Variants in COL22A1 observed in about 807,000 individuals in gnomAD.
COL22A1 encodes collagen alpha-1(XXII) chain.
COL22A1 carries 221 observed loss-of-function variants against 248.9 expected under a neutral mutation model. The ratio of observed to expected loss-of-function variants is 0.89; its 90% CI spans 0.80 to 0.99. The LOEUF (loss-of-function observed/expected upper bound fraction) is 0.99, where lower values mean the gene tolerates loss of function less well. Among genes scored for constraint, COL22A1 ranks in the 50% least tolerant of loss-of-function variants. The pLI is 0.00. For synonymous variants in COL22A1, 891 were observed against 793.4 expected, an observed-to-expected ratio of 1.12 and a Z score of -2.07; for missense variants, 2,240 against 2,179.0, an observed-to-expected ratio of 1.03 and a Z score of -0.56.
At chr8:138,659,879 T>C (rs1309842085) in intron 44 of COL22A1, among the ~76,000 whole-genome samples, 1 of 152,192 alleles carries the variant, frequency 6.6e-6, no homozygotes, top group Middle Eastern at 3.2e-3. Flanking sequence ...GTTTCTTCCA[T>C]GTTAAACAGA....
At chr8:138,802,980 C>T in intron 10 of COL22A1, 46 bp from the exon 11 acceptor site, 1 of 1,497,334 alleles carries the variant, frequency 6.7e-7, no homozygotes, top group Non-Finnish European at 9.3e-7. Context: ...GGTTTCCCGA[C>T]AGGGCTCTTG....
At chr8:138,652,052 T>G (rs1372909838) in intron 45 of COL22A1, among the ~76,000 whole-genome samples, 1 of 152,160 alleles carries the variant, frequency 6.6e-6, no homozygotes, top group African/African-American at 2.4e-5. Context: ...TGGAATCCAG[T>G]GAGCATAGGG....
At chr8:138,807,838 G>GT in intron 9 of COL22A1, 26 bp from the exon 10 acceptor site, 1 of 1,612,452 alleles carries the variant, frequency 6.2e-7, no homozygotes, top group Non-Finnish European at 8.5e-7. Context: ...CAACAAAAAA[G>GT]TAAGTTTCTA....
At chr8:138,640,694 T>C (rs141535896) in intron 47 of COL22A1, among the ~76,000 whole-genome samples, 1 of 152,176 alleles carries the variant, frequency 6.6e-6, no homozygotes, top group Non-Finnish European at 1.5e-5. Context: ...TGAGGACCAC[T>C]TGCAGTTACA....
rs780400414 is a variant in COL22A1, at chr8:138,722,041, T to A, written c.2296A>T (p.Thr766Ser). 1 of 1,575,824 alleles carries A rather than the reference T, an allele frequency of 6.3e-7. No homozygotes were observed. The highest frequency in any genetic ancestry group is 1.8e-5 in the Admixed American group (1 of 54,994). ...CAACCGCATCAGTGACCAACCTTGG[T>A]TCCTGGCGGACCTGGTGGTCCATTT... ...GPNGPPGPPG[T>S]KGEPGERGED... The change falls in exon 26 of 65, where the codon ACC becomes TCC. Residue 766 changes from threonine (T) to serine (S), a missense_variant. Thr to Ser is a moderately conservative substitution (Grantham distance 58). Coordinates refer to ENST00000303045, the MANE Select transcript of COL22A1 (RefSeq NM_152888.3).
chr8:138,649,762 C>T lies in COL22A1; in HGVS notation c.3350G>A (p.Cys1117Tyr), dbSNP rs1164208248. 6.3e-7 allele frequency: 1 copy of T among 1,598,314 alleles called. No homozygotes were observed. Among genetic ancestry groups the T allele is most frequent in the African/African-American group, 1.3e-5 (1 of 74,092 alleles). ...AGGGAGGCCTGGGGGGCCAGGAGGG[C>T]AGTCATTGCACACATCCTGAGAGTG... is the stretch of plus-strand genomic sequence containing the variant. ...NLLAKDVCND[C>Y]PPGPPGLPGL... Residue 1117 changes from cysteine to tyrosine, a missense_variant, in exon 46 of 65, where the codon TGC (cysteine) becomes TAC (tyrosine). Coordinates refer to ENST00000303045, the MANE Select transcript of COL22A1 (RefSeq NM_152888.3).
At chr8:138,651,409 C>T (rs1366465224) in intron 45 of COL22A1, among the ~76,000 whole-genome samples, 1 of 152,188 alleles carries the variant, frequency 6.6e-6, no homozygotes, top group African/African-American at 2.4e-5. Flanking sequence ...TCAGGCATCC[C>T]AACTAACTAA....
intron 3 of COL22A1, among the ~76,000 whole-genome samples, chr8:138,872,069 C>T (rs980277531): frequency 1.3e-5 from 2 of 152,200 alleles, no homozygotes; most frequent in African/African-American, 4.8e-5. Flanking sequence ...CAGAATCACA[C>T]ACTCATCAAA....
intron 16 of COL22A1, among the ~76,000 whole-genome samples, chr8:138,774,837 C>G (rs1814263036): frequency 6.6e-6 from 1 of 152,176 alleles, no homozygotes; most frequent in African/African-American, 2.4e-5. Context: ...TTAAAACAAG[C>G]TCTAAAAACT....
intron 62 of COL22A1, 114 bp downstream of exon 62, chr8:138,596,790 A>G (rs965262814): frequency 7.7e-6 from 7 of 912,340 alleles, no homozygotes; most frequent in African/African-American, 1.6e-5. Context: ...TCTACACTTG[A>G]GCTGCCGGTC....
chr8:138,849,019 G>A (rs1821443627), intron 3 of COL22A1, among the ~76,000 whole-genome samples: 1 of 152,136 alleles, frequency 6.6e-6, no homozygotes, highest in Non-Finnish European at 1.5e-5. Flanking sequence ...GCGGAGGAGG[G>A]AAGAGCTGAA....
intron 22 of COL22A1, among the ~76,000 whole-genome samples, chr8:138,749,941 T>G (rs2131333904): frequency 6.6e-6 from 1 of 152,228 alleles, no homozygotes; most frequent in Non-Finnish European, 1.5e-5. Context: ...GAATTGTAAC[T>G]CCCACAGTTC....
chr8:138,691,340 C>T (rs928474055), intron 35 of COL22A1, among the ~76,000 whole-genome samples: 2 of 148,370 alleles, frequency 1.3e-5, no homozygotes, highest in Non-Finnish European at 3.0e-5. Flanking sequence ...TGTGTGCATG[C>T]GTGTGTGCAC....
At position 138,878,064 on chromosome 8, in the gene COL22A1, G is replaced by T. The variant is rs184984000; in HGVS notation, c.344C>A (p.Thr115Asn). Residue 115 changes from threonine (T) to asparagine (N), a missense_variant, in exon 3 of 65, where the codon ACC (threonine) becomes AAC (asparagine). Coordinates refer to ENST00000303045, the MANE Select transcript of COL22A1 (RefSeq NM_152888.3). ...GTAGCGGAGCGCGTCTCCCGTGTTG[G>T]TGTTGCCCCCGTGGTAGGCGAGACG... ...ARRLAYHGGN[T>N]NTGDALRYIT... is the part of the protein sequence containing the mutation. 3 of 1,597,860 alleles carry T rather than the reference G, an allele frequency of 1.9e-6. No individual in the cohort carries two copies. Among genetic ancestry groups the T allele is most frequent in the South Asian group, 1.1e-5 (1 of 88,290 alleles).
intron 2 of COL22A1, 78 bp downstream of exon 2, chr8:138,883,004 C>A (rs759970719): frequency 7.8e-7 from 1 of 1,286,478 alleles, no homozygotes; most frequent in Non-Finnish European, 1.1e-6. Flanking sequence ...TGCATGCACA[C>A]ACCACAGCCC....
At chr8:138,708,641 A>T (rs547177322) in intron 30 of COL22A1, among the ~76,000 whole-genome samples, 14 of 152,364 alleles carry the variant, frequency 9.2e-5, no homozygotes, top group Non-Finnish European at 1.6e-4. Flanking sequence ...TTAATTCAAG[A>T]TGGGTTAAAG....
intron 7 of COL22A1, among the ~76,000 whole-genome samples, chr8:138,816,155 AG>A (rs1818672455): frequency 6.6e-6 from 1 of 152,186 alleles, no homozygotes; most frequent in Non-Finnish European, 1.5e-5. Flanking sequence ...GCAAGGCCGC[AG>A]GGACAGGGAA....
chr8:138,724,904 G>A (rs902416080), intron 24 of COL22A1, among the ~76,000 whole-genome samples: 8 of 152,204 alleles, frequency 5.3e-5, no homozygotes, highest in Non-Finnish European at 8.8e-5. Flanking sequence ...GCCACCTGCC[G>A]GGACAGAGGG....
intron 1 of COL22A1, among the ~76,000 whole-genome samples, chr8:138,886,819 T>G (rs1165660981): frequency 6.6e-6 from 1 of 152,256 alleles, no homozygotes; most frequent in Non-Finnish European, 1.5e-5. Flanking sequence ...TGAGTGGTCA[T>G]GCTGGGATTT....
Sources: gnomAD v4.1 joint callset for allele counts (sites outside exome capture counted in the v4.1 genomes callset) on GRCh38, gnomAD v4.1.1 for gene constraint, MANE v1.5 for transcripts, NCBI Gene and HGNC (gene_info 2026-07-23, HGNC 2026-07-21) for gene names.